The following FAM53A variants were observed in gnomAD, a reference collection of about 807,000 sequenced individuals.
The protein encoded by FAM53A is protein FAM53A.
FAM53A carries 28 observed loss-of-function variants against 26.6 expected under a neutral mutation model. That is an observed-to-expected ratio of 1.05 (90% CI 0.78 to 1.45). The LOEUF is 1.45. FAM53A is among the 40% of genes most tolerant of loss of function. The pLI, the probability that FAM53A is intolerant of heterozygous loss-of-function variation, is 0.00. For missense variants in FAM53A, 650 were observed against 575.8 expected (o/e 1.13, Z -1.32); for synonymous variants, 290 against 253.1 (o/e 1.15, Z -1.38).
chr4:1,684,328 C>T (rs1269372198), upstream of FAM53A: 3 of 149,512 alleles, frequency 2.0e-5, no homozygotes, highest in Non-Finnish European at 4.5e-5. Context: ...CGGAACAAAA[C>T]CGCGGCCGCC....
chr4:1,615,274 CT>C (rs1714766159), downstream of FAM53A, among the ~76,000 whole-genome samples: 1 of 133,078 alleles, frequency 7.5e-6, no homozygotes, highest in African/African-American at 2.9e-5. Flanking sequence ...CACGCCCACC[CT>C]ACCTGGGCCC....
the FAM53A span, among the ~76,000 whole-genome samples, chr4:1,592,291 A>G: frequency 1.2e-4 from 18 of 152,314 alleles, no homozygotes; most frequent in East Asian, 2.3e-3. Flanking sequence ...GGCGCGTACC[A>G]GCCACGTCCA....
intron 2 of FAM53A, among the ~76,000 whole-genome samples, chr4:1,662,371 C>T (rs1183267440): frequency 6.7e-6 from 1 of 150,312 alleles, no homozygotes; most frequent in Non-Finnish European, 1.5e-5. Context: ...CCCAGCTACT[C>T]AGGAGGCTGA....
At chr4:1,596,177 C>T in the FAM53A span, among the ~76,000 whole-genome samples, 1 of 152,310 alleles carries the variant, frequency 6.6e-6, no homozygotes, top group Admixed American at 6.5e-5. Context: ...CAGGCCACCT[C>T]CAGGGACCAT....
intron 1 of FAM53A, among the ~76,000 whole-genome samples, chr4:1,672,620 C>G (rs1160057094): frequency 6.6e-6 from 1 of 152,032 alleles, no homozygotes; most frequent in Non-Finnish European, 1.5e-5. Context: ...GAGTGATCCC[C>G]AAAAGATGCT....
intron 1 of FAM53A, among the ~76,000 whole-genome samples, chr4:1,681,373 G>C (rs192886363): frequency 6.6e-6 from 1 of 152,134 alleles, no homozygotes; most frequent in South Asian, 2.1e-4. Flanking sequence ...CCACAAGGTC[G>C]ATGGGTTTCT....
chr4:1,636,128 T>A (rs1234814461), downstream of FAM53A, among the ~76,000 whole-genome samples: 1 of 152,034 alleles, frequency 6.6e-6, no homozygotes, highest in African/African-American at 2.4e-5. Flanking sequence ...ATTACAGGCG[T>A]GAGCCGCCAC....
the FAM53A span, among the ~76,000 whole-genome samples, chr4:1,607,715 C>A: frequency 6.6e-6 from 1 of 152,058 alleles, no homozygotes; most frequent in Admixed American, 6.5e-5. Flanking sequence ...CCGAGGTGGG[C>A]GGATCACCTG....
At chr4:1,651,440 G>A (rs962937294) in intron 4 of FAM53A, among the ~76,000 whole-genome samples, 2 of 151,974 alleles carry the variant, frequency 1.3e-5, no homozygotes, top group Non-Finnish European at 2.9e-5. Context: ...GCTGAGGCAG[G>A]AGAATTGCTT....
At position 1,659,140 on chromosome 4, in the gene FAM53A, G is replaced by A. The variant is rs963315276; in HGVS notation, c.76-1672C>T. Among the ~76,000 whole-genome samples, 10 of 152,238 alleles carry A rather than the reference G, an allele frequency of 6.6e-5. No homozygotes were observed. Among genetic ancestry groups the A allele is most frequent in the Non-Finnish European group, 5.9e-5 (4 of 68,030 alleles). On this transcript the variant is annotated intron_variant, in intron 2 of 4. Coordinates refer to ENST00000308132, the MANE Select transcript of FAM53A (RefSeq NM_001174070.3). The surrounding 1 kb of genome is among the most constrained non-coding windows in gnomAD (Gnocchi z 5.2). Reference sequence around the variant, plus strand: ...CACGGGGTCCCACCTCAGCCAGCACGGCGGTGTGGAGCTGTGAGCACCCGG... The same window carrying A: ...CACGGGGTCCCACCTCAGCCAGCACAGCGGTGTGGAGCTGTGAGCACCCGG...
chr4:1,636,341 T>C (rs1278259125), downstream of FAM53A, among the ~76,000 whole-genome samples: 1 of 152,126 alleles, frequency 6.6e-6, no homozygotes, highest in African/African-American at 2.4e-5. Flanking sequence ...TCCTTTTGAG[T>C]CTACTTGACC....
the FAM53A span, among the ~76,000 whole-genome samples, chr4:1,595,248 G>C: frequency 6.6e-6 from 1 of 152,234 alleles, no homozygotes; most frequent in Non-Finnish European, 1.5e-5. Context: ...CCCAGCAGCA[G>C]GGGTGCAAGA....
the FAM53A span, among the ~76,000 whole-genome samples, chr4:1,591,666 AC>A: frequency 6.6e-6 from 1 of 152,122 alleles, no homozygotes; most frequent in Non-Finnish European, 1.5e-5. Context: ...CTGAGGCCCT[AC>A]CCTACTTTCA....
the FAM53A span, among the ~76,000 whole-genome samples, chr4:1,596,615 G>A: frequency 6.6e-6 from 1 of 152,192 alleles, no homozygotes; most frequent in Non-Finnish European, 1.5e-5. Context: ...GGGACCAGAT[G>A]GAAGGGCACC....
intron 1 of FAM53A, among the ~76,000 whole-genome samples, chr4:1,670,211 C>G (rs1396198020): frequency 2.0e-5 from 3 of 152,274 alleles, no homozygotes; most frequent in Non-Finnish European, 4.4e-5. Flanking sequence ...TCTGCCAATG[C>G]TGGAAAGGTT....
At chr4:1,582,646 A>T in the FAM53A span, among the ~76,000 whole-genome samples, 1 of 152,202 alleles carries the variant, frequency 6.6e-6, no homozygotes, top group Non-Finnish European at 1.5e-5. Flanking sequence ...TCTTGAGCCC[A>T]GGAGTTCAAG....
Position 1,641,627 on chromosome 4 carries a change from G to C in FAM53A, c.883-20C>G, listed in dbSNP as rs756334699. On this transcript the variant is annotated intron_variant, in intron 4 of 4. Coordinates refer to ENST00000308132, the MANE Select transcript of FAM53A (RefSeq NM_001174070.3). ...TAAAGTCTGCAATAGAAAAGATACGGGCTTAAAGCATTTCTAGCAGATCAC... is the reference window on the plus strand; with the variant it reads ...TAAAGTCTGCAATAGAAAAGATACGCGCTTAAAGCATTTCTAGCAGATCAC... 6.2e-7 allele frequency: 1 copy of C among 1,612,996 alleles called. No individual in the cohort carries two copies. Among genetic ancestry groups the C allele is most frequent in the East Asian group, 2.2e-5 (1 of 44,878 alleles).
chr4:1,622,519 C>G (rs993679987), intron 1 of FAM53A, among the ~76,000 whole-genome samples: 1 of 152,244 alleles, frequency 6.6e-6, no homozygotes, highest in Non-Finnish European at 1.5e-5. Flanking sequence ...CCCCACCAGC[C>G]CTGCCCTGTG....
the FAM53A span, among the ~76,000 whole-genome samples, chr4:1,608,200 C>CT: frequency 0.35 from 53,061 of 151,666 alleles, 9,845 homozygotes; most frequent in East Asian, 0.69. Context: ...CCCCTATGGC[C>CT]CCCCTGGTCT....
Sources: gnomAD v4.1 joint callset for allele counts (sites outside exome capture counted in the v4.1 genomes callset) on GRCh38, gnomAD v4.1.1 for gene constraint, Gnocchi (gnomAD v3.1) non-coding constraint, MANE v1.5 for transcripts, NCBI Gene and HGNC (gene_info 2026-07-23, HGNC 2026-07-21) for gene names.